The following PDE8B variants were observed in gnomAD, a reference collection of about 807,000 sequenced individuals.
PDE8B encodes high affinity cAMP-specific and IBMX-insensitive 3',5'-cyclic phosphodiesterase 8B.
Under a neutral mutation model 101.3 loss-of-function variants are expected in PDE8B, and 26 were observed. The ratio of observed to expected loss-of-function variants is 0.26; its 90% CI spans 0.19 to 0.36. PDE8B has a LOEUF of 0.36. PDE8B is among the 10% of genes least tolerant of loss of function. The pLI is 1.00. For synonymous variants in PDE8B, 424 were observed against 429.3 expected (o/e 0.99, Z 0.15); for missense variants, 810 against 1,163.1 (o/e 0.70, Z 4.42).
chr5:77,296,382 C>G (rs1768573998), intron 1 of PDE8B, among the ~76,000 whole-genome samples: 1 of 152,080 alleles, frequency 6.6e-6, no homozygotes, highest in Non-Finnish European at 1.5e-5. Flanking sequence ...CCACCTCAGC[C>G]TCCTGAGTAG....
intron 10 of PDE8B, among the ~76,000 whole-genome samples, chr5:77,373,042 G>A (rs890482427): frequency 6.8e-6 from 1 of 146,650 alleles, no homozygotes; most frequent in Non-Finnish European, 1.5e-5. Flanking sequence ...AAAAAAAAAA[G>A]AATTTGTAGT....
At chr5:77,379,892 G>A (rs753863414) in intron 10 of PDE8B, among the ~76,000 whole-genome samples, 4 of 152,166 alleles carry the variant, frequency 2.6e-5, no homozygotes, top group Non-Finnish European at 5.9e-5. Context: ...GGTCTCAAAT[G>A]ACTCAGTTCC....
At chr5:77,291,877 G>A (rs1767435449) in intron 1 of PDE8B, 1 of 1,347,906 alleles carries the variant, frequency 7.4e-7, no homozygotes, top group Admixed American at 1.7e-5. Context: ...GAAAATTAAA[G>A]TTTTCCTTGA....
the PDE8B span, among the ~76,000 whole-genome samples, chr5:77,200,555 C>CTT: frequency 1.8e-4 from 27 of 151,206 alleles, no homozygotes; most frequent in East Asian, 1.4e-3. Context: ...AGGTGAAGGG[C>CTT]TTTTTTTTAA....
intron 7 of PDE8B, among the ~76,000 whole-genome samples, chr5:77,347,885 CG>C (rs1287749425): frequency 6.6e-6 from 1 of 152,060 alleles, no homozygotes; most frequent in African/African-American, 2.4e-5. Context: ...GAGGTGGCCC[CG>C]GGAGGTATGA....
At chr5:77,251,712 T>C (rs1276078114) in intron 1 of PDE8B, among the ~76,000 whole-genome samples, 2 of 152,234 alleles carry the variant, frequency 1.3e-5, no homozygotes, top group Admixed American at 1.3e-4. Flanking sequence ...CCTTTTTTTG[T>C]GTCTGTGTCG....
the PDE8B span, among the ~76,000 whole-genome samples, chr5:77,099,609 T>G: frequency 7.1e-6 from 1 of 140,056 alleles, no homozygotes; most frequent in African/African-American, 2.5e-5. Flanking sequence ...CCTTTTCTTT[T>G]CTTTTTTTTT....
At chr5:77,208,072 C>G (rs1254953649), upstream of PDE8B, among the ~76,000 whole-genome samples, 3 of 152,202 alleles carry the variant, frequency 2.0e-5, no homozygotes, top group African/African-American at 7.2e-5. Flanking sequence ...GTCACCTACT[C>G]TTTCAAGGCT....
chr5:77,254,985 C>T (rs1758809382), intron 1 of PDE8B, among the ~76,000 whole-genome samples: 1 of 152,210 alleles, frequency 6.6e-6, no homozygotes, highest in Non-Finnish European at 1.5e-5. Context: ...TCTTTCGTTT[C>T]TGTTGCTTGC....
intron 1 of PDE8B, among the ~76,000 whole-genome samples, chr5:77,219,148 T>A (rs1376494020): frequency 6.6e-6 from 1 of 152,226 alleles, no homozygotes; most frequent in East Asian, 1.9e-4. Flanking sequence ...GGTGGTTCCC[T>A]GTGGAATTCT....
intron 2 of PDE8B, among the ~76,000 whole-genome samples, chr5:77,314,645 C>T (rs1773399778): frequency 6.6e-6 from 1 of 151,850 alleles, no homozygotes; most frequent in Non-Finnish European, 1.5e-5. Flanking sequence ...GGATTAAATT[C>T]CTTAGGATTT....
At position 77,325,575 on chromosome 5, in the gene PDE8B, G is replaced by T; in HGVS notation, c.436G>T (p.Asp146Tyr). 2 of 1,614,098 alleles carry T rather than the reference G, an allele frequency of 1.2e-6. No homozygotes were observed. The highest frequency in any genetic ancestry group is 1.7e-6 in the Non-Finnish European group (2 of 1,179,984). The change falls in exon 3 of 22, where the codon GAT becomes TAT. Residue 146 changes from aspartate (D) to tyrosine (Y), a missense_variant. Physicochemically the swap from Asp to Tyr is radical, Grantham distance 160 (BLOSUM62 -3). Coordinates refer to ENST00000264917, the MANE Select transcript of PDE8B (RefSeq NM_003719.5). ...CTTTGCAAAGGAAGATAGTCAGAGC[G>T]ATGGCTTCTGGTGGGCCTGCGACAG... The part of the protein sequence containing the change: ...LIFAKEDSQS[D>Y]GFWWACDRAG...
chr5:77,298,459 G>A (rs570738080), intron 1 of PDE8B, among the ~76,000 whole-genome samples: 70 of 152,316 alleles, frequency 4.6e-4, no homozygotes, highest in Middle Eastern at 3.4e-3. Context: ...GGTCAAATAA[G>A]CAGCATTGAT....
the PDE8B span, among the ~76,000 whole-genome samples, chr5:77,166,039 C>G: frequency 1.4e-5 from 2 of 145,606 alleles, no homozygotes; most frequent in Admixed American, 6.8e-5. Context: ...TATATCAGAA[C>G]AGACAAAACA....
intron 1 of PDE8B, among the ~76,000 whole-genome samples, chr5:77,292,711 A>G (rs1767637631): frequency 6.6e-6 from 1 of 152,026 alleles, no homozygotes; most frequent in African/African-American, 2.4e-5. Context: ...TTTAATTGGG[A>G]TGTTCGCCTG....
At chr5:77,399,517 G>A (rs1270861899) in intron 10 of PDE8B, among the ~76,000 whole-genome samples, 1 of 152,232 alleles carries the variant, frequency 6.6e-6, no homozygotes, top group African/African-American at 2.4e-5. Context: ...TAGCAGTGAA[G>A]CCGCATGATT....
intron 1 of PDE8B, among the ~76,000 whole-genome samples, chr5:77,255,637 C>T (rs1008833240): frequency 3.9e-5 from 6 of 152,210 alleles, no homozygotes; most frequent in African/African-American, 1.4e-4. Context: ...GCCTTGCAGC[C>T]ACTGAGGTCC....
the PDE8B span, chr5:77,118,596 T>C: frequency 2.6e-6 from 1 of 390,140 alleles, no homozygotes; most frequent in East Asian, 3.6e-5. Context: ...ATGTTTGAAC[T>C]TGGTGTGAAT....
At chr5:77,180,954 TG>T in the PDE8B span, among the ~76,000 whole-genome samples, 1 of 147,214 alleles carries the variant, frequency 6.8e-6, no homozygotes, top group Non-Finnish European at 1.5e-5. Context: ...AGCCCCAGCG[TG>T]GGGTGTGTAC....
Sources: gnomAD v4.1 joint callset for allele counts (sites outside exome capture counted in the v4.1 genomes callset) on GRCh38, gnomAD v4.1.1 for gene constraint, MANE v1.5 for transcripts, NCBI Gene and HGNC (gene_info 2026-07-23, HGNC 2026-07-21) for gene names.